USP49: variants seen among roughly 807,000 people sequenced by gnomAD.
USP49 encodes the protein ubiquitin specific peptidase 49.
USP49 carries 24 observed loss-of-function variants against 58.6 expected under a neutral mutation model. The ratio of observed to expected loss-of-function variants is 0.41; its 90% CI spans 0.30 to 0.58. The LOEUF is 0.58. Among genes scored for constraint, USP49 ranks in the 20% least tolerant of loss-of-function variants. USP49 has a pLI of 0.30. For missense variants in USP49, 703 were observed against 866.1 expected (o/e 0.81, Z 2.36); for synonymous variants, 408 against 365.1 (o/e 1.12, Z -1.34).
chr6:41,825,823 G>A (rs1276750753), intron 3 of USP49, among the ~76,000 whole-genome samples: 2 of 152,136 alleles, frequency 1.3e-5, no homozygotes, highest in East Asian at 1.9e-4. Flanking sequence ...ATCACAGACA[G>A]CCTATAGCCA....
chr6:41,873,240 T>C (rs191051418), intron 2 of USP49, among the ~76,000 whole-genome samples: 4 of 151,984 alleles, frequency 2.6e-5, no homozygotes, highest in African/African-American at 9.7e-5. Flanking sequence ...GGAAGTTGTT[T>C]GCATTAATGC....
chr6:41,872,585 A>G (rs1334526611), intron 2 of USP49, among the ~76,000 whole-genome samples: 1 of 151,556 alleles, frequency 6.6e-6, no homozygotes, highest in African/African-American at 2.4e-5. Flanking sequence ...ATATATATAT[A>G]TAAAAAGAAA....
chr6:41,866,578 A>G (rs1207149561), intron 3 of USP49, among the ~76,000 whole-genome samples: 1 of 152,226 alleles, frequency 6.6e-6, no homozygotes. Context: ...CATGACTTTC[A>G]ACCCACACTG....
At chr6:41,849,951 G>T (rs1223280912) in intron 3 of USP49, among the ~76,000 whole-genome samples, 2 of 151,932 alleles carry the variant, frequency 1.3e-5, no homozygotes, top group Admixed American at 1.3e-4. Context: ...GAAATCAATG[G>T]CACAAGGAAA....
Position 41,791,827 on chromosome 6 carries a change from A to G in USP49, c.*4706T>C, listed in dbSNP as rs1161951505. On this transcript the variant is annotated 3_prime_UTR_variant, in exon 8 of 8. Transcript: ENST00000682992. ...AATGTAAGATACAAACTAAACTCAC[A>G]GTCATATTTAGAAGGCGCTTTTCAG... is the stretch of plus-strand genomic sequence containing the variant. 6.6e-6 allele frequency: 1 copy of G among 152,238 alleles called. No individual in the cohort carries two copies. The highest frequency in any genetic ancestry group is 1.5e-5 in the Non-Finnish European group (1 of 68,042). 9.4% of individuals were successfully genotyped at this position (152,238 alleles called of 1,614,324 possible).
intron 7 of USP49, chr6:41,798,186 C>T (rs953653860): frequency 2.5e-5 from 4 of 160,826 alleles, no homozygotes; most frequent in African/African-American, 9.6e-5. Context: ...GTTCTAAGCA[C>T]TTTTACATGT....
In USP49 at chr6:41,805,946, C is replaced by A. The variant is rs1439176264; in HGVS notation, c.1038G>T (p.Gln346His). The A allele has an allele frequency of 6.2e-7, 1 of 1,613,910 alleles. No individual in the cohort carries two copies. Among genetic ancestry groups the A allele is most frequent in the Admixed American group, 1.7e-5 (1 of 60,028 alleles). ...TGTGCTTTGAACTCGGCTCCTTGTTCTGGATGAGCTCCAGACTCCGACTAA... is the reference window on the plus strand; with the variant it reads ...TGTGCTTTGAACTCGGCTCCTTGTTATGGATGAGCTCCAGACTCCGACTAA... ...ASISRSLELI[Q>H]NKEPSSKHIS... The change falls in exon 4 of 8, where the codon CAG becomes CAT. Residue 346 changes from glutamine to histidine, a missense_variant. Coordinates refer to ENST00000682992, the MANE Select transcript of USP49 (RefSeq NM_001286554.2).
intron 3 of USP49, among the ~76,000 whole-genome samples, chr6:41,869,195 A>G (rs1774374002): frequency 6.6e-6 from 1 of 151,864 alleles, no homozygotes; most frequent in African/African-American, 2.4e-5. Context: ...CCACCTAAGA[A>G]AGTGCTGACA....
rs1773065769 is a variant in USP49, at chr6:41,804,019, A to G, written c.1357-9T>C. 1 of 1,612,394 alleles carries G rather than the reference A, an allele frequency of 6.2e-7. No individual in the cohort carries two copies. The highest frequency in any genetic ancestry group is 1.3e-5 in the African/African-American group (1 of 75,016). On this transcript the variant is annotated splice_polypyrimidine_tract_variant and intron_variant, in intron 4 of 7. Transcript: ENST00000682992. ...CATGATATACATGTGACCTAGAATG[A>G]AAAGATTGATTTACAGATTATATAA...
chr6:41,854,593 A>G (rs575389043), intron 3 of USP49, among the ~76,000 whole-genome samples: 94 of 152,252 alleles, frequency 6.2e-4, no homozygotes, highest in South Asian at 1.0e-3. Flanking sequence ...TATGTCTCCA[A>G]TGTTCTTGGT....
At chr6:41,869,999 A>C (rs1380590182) in intron 3 of USP49, among the ~76,000 whole-genome samples, 1 of 152,200 alleles carries the variant, frequency 6.6e-6, no homozygotes, top group Non-Finnish European at 1.5e-5. Context: ...ATGAAGTCAA[A>C]AGAAAACTTC....
intron 3 of USP49, among the ~76,000 whole-genome samples, chr6:41,822,517 T>G (rs1773468960): frequency 6.6e-6 from 1 of 152,102 alleles, no homozygotes; most frequent in Non-Finnish European, 1.5e-5. Flanking sequence ...AAAGCATATC[T>G]GTCAGGAAGG....
At chr6:41,848,729 C>T (rs2127349251) in intron 3 of USP49, among the ~76,000 whole-genome samples, 1 of 151,904 alleles carries the variant, frequency 6.6e-6, no homozygotes, top group South Asian at 2.1e-4. Flanking sequence ...GTGGCAGGCA[C>T]CTGTAGTCCC....
At chr6:41,875,301 ATAACT>A (rs1774484409) in intron 2 of USP49, among the ~76,000 whole-genome samples, 1 of 152,148 alleles carries the variant, frequency 6.6e-6, no homozygotes, top group Admixed American at 6.6e-5. Context: ...AAGTCAGTAA[ATAACT>A]TAACCAAGAT....
At position 41,806,673 on chromosome 6, in the gene USP49, C is replaced by G. The variant is rs1185235810; in HGVS notation, c.311G>C (p.Gly104Ala). Residue 104 changes from glycine to alanine, a missense_variant, in exon 4 of 8, where the codon GGC becomes GCC. Physicochemically the swap from Gly to Ala is moderately conservative, Grantham distance 60 (BLOSUM62 0). Around this residue, in one of 6 missense-constraint regions of USP49, gnomAD observed 376 missense variants for 373.5 expected, o/e 1.01. Coordinates refer to ENST00000682992, the MANE Select transcript of USP49 (RefSeq NM_001286554.2). The surrounding 1 kb of genome is among the most constrained non-coding windows in gnomAD (Gnocchi z 5.9). ...TCTCACCGGCGTGTCCTGTTTCTGG[C>G]CCCGGACCGCCAGGAGGGAGCTTCT... ...LLRSSLLAVR[G>A]QKQDTPVRRG... 4 of 1,614,112 alleles carry G rather than the reference C, an allele frequency of 2.5e-6. No homozygotes were observed. The highest frequency in any genetic ancestry group is 3.4e-6 in the Non-Finnish European group (4 of 1,180,040).
At chr6:41,885,497 A>C (rs1228222952) in intron 2 of USP49, among the ~76,000 whole-genome samples, 1 of 152,136 alleles carries the variant, frequency 6.6e-6, no homozygotes, top group Non-Finnish European at 1.5e-5. Context: ...TCAGATTTAG[A>C]TTACTGAGTG....
intron 3 of USP49, among the ~76,000 whole-genome samples, chr6:41,870,552 T>G (rs1472446821): frequency 1.3e-5 from 2 of 150,838 alleles, no homozygotes; most frequent in Non-Finnish European, 2.9e-5. Context: ...AGAATTCTAT[T>G]TTTTAAGAAG....
At chr6:41,839,929 T>C (rs1305633441) in intron 3 of USP49, among the ~76,000 whole-genome samples, 3 of 151,830 alleles carry the variant, frequency 2.0e-5, no homozygotes, top group African/African-American at 4.8e-5. Context: ...ATCTCAGAAA[T>C]TGCCACTAAA....
chr6:41,843,224 G>C (rs540719497), intron 3 of USP49, among the ~76,000 whole-genome samples: 1 of 152,328 alleles, frequency 6.6e-6, no homozygotes, highest in East Asian at 1.9e-4. Flanking sequence ...TTTCGAACCA[G>C]TCAGTAACTT....
Sources: allele counts gnomAD v4.1 joint callset (sites outside exome capture counted in the v4.1 genomes callset), GRCh38; gene constraint gnomAD v4.1.1; regional missense constraint gnomAD v4.1.1; non-coding constraint Gnocchi (gnomAD v3.1); transcripts MANE v1.5; gene names NCBI Gene and HGNC (gene_info 2026-07-23, HGNC 2026-07-21).